SLC24A3: variants seen among roughly 807,000 people sequenced by gnomAD.
The protein encoded by SLC24A3 is solute carrier family 24 member 3.
SLC24A3 carries 28 observed loss-of-function variants against 75.8 expected under a neutral mutation model. That is an observed-to-expected ratio of 0.37 (90% CI 0.27 to 0.51). The LOEUF is 0.51. Among genes scored for constraint, SLC24A3 ranks in the 20% least tolerant of loss-of-function variants. The pLI, the probability that SLC24A3 is intolerant of heterozygous loss-of-function variation, is 0.94. For synonymous variants in SLC24A3, 372 were observed against 334.1 expected, an observed-to-expected ratio of 1.11 and a Z score of -1.24; for missense variants, 663 against 847.8, an observed-to-expected ratio of 0.78 and a Z score of 2.71.
intron 10 of SLC24A3, among the ~76,000 whole-genome samples, chr20:19,682,777 T>C (rs1281306907): frequency 1.3e-5 from 2 of 152,182 alleles, no homozygotes; most frequent in African/African-American, 2.4e-5. Flanking sequence ...ATTAACTCAG[T>C]TTCCAAGCTG....
intron 6 of SLC24A3, among the ~76,000 whole-genome samples, chr20:19,651,823 T>C (rs940478204): frequency 1.4e-5 from 2 of 144,174 alleles, no homozygotes; most frequent in Non-Finnish European, 3.0e-5. Context: ...ATCACGCCAC[T>C]GCACTCCAGC....
chr20:19,715,764 A>G (rs2033039287), intron 15 of SLC24A3, among the ~76,000 whole-genome samples: 2 of 152,184 alleles, frequency 1.3e-5, no homozygotes, highest in Non-Finnish European at 2.9e-5. Flanking sequence ...AAGGGCCCAG[A>G]ACCACTCCTA....
chr20:19,622,482 A>C (rs1373935106), intron 6 of SLC24A3, among the ~76,000 whole-genome samples: 1 of 152,214 alleles, frequency 6.6e-6, no homozygotes, highest in Non-Finnish European at 1.5e-5. Context: ...TCTGATCAGA[A>C]AGAGCTGAAA....
chr20:19,264,508 T>C (rs1983098498), intron 1 of SLC24A3, among the ~76,000 whole-genome samples: 1 of 151,944 alleles, frequency 6.6e-6, no homozygotes, highest in Non-Finnish European at 1.5e-5. Flanking sequence ...GTGGATTGCC[T>C]GAGCTCAGGA....
intron 2 of SLC24A3, among the ~76,000 whole-genome samples, chr20:19,482,242 A>G (rs757233487): frequency 2.0e-5 from 3 of 152,044 alleles, no homozygotes; most frequent in Non-Finnish European, 4.4e-5. Context: ...ATTGTCTGGC[A>G]CCCTCTGCAC....
At chr20:19,354,304 A>C (rs1371051167) in intron 2 of SLC24A3, among the ~76,000 whole-genome samples, 1 of 152,196 alleles carries the variant, frequency 6.6e-6, no homozygotes, top group Non-Finnish European at 1.5e-5. Context: ...ACACAAAAGA[A>C]TACATGCTTT....
At chr20:19,239,310 C>T (rs112217523) in intron 1 of SLC24A3, among the ~76,000 whole-genome samples, 2 of 152,076 alleles carry the variant, frequency 1.3e-5, no homozygotes, top group Admixed American at 6.5e-5. Flanking sequence ...ACAGGTGATG[C>T]GTTTTCTAAA....
At chr20:19,551,848 A>G (rs1315292834) in intron 3 of SLC24A3, among the ~76,000 whole-genome samples, 1 of 152,186 alleles carries the variant, frequency 6.6e-6, no homozygotes, top group East Asian at 1.9e-4. Context: ...AGGACCAGGC[A>G]GGCTGCTCTC....
At chr20:19,360,757 G>T (rs1985770998) in intron 2 of SLC24A3, among the ~76,000 whole-genome samples, 1 of 152,174 alleles carries the variant, frequency 6.6e-6, no homozygotes, top group Non-Finnish European at 1.5e-5. Context: ...AACTCCAAAA[G>T]GTTGAGTGAG....
chr20:19,509,461 A>C (rs562167632), intron 2 of SLC24A3, among the ~76,000 whole-genome samples: 2 of 152,232 alleles, frequency 1.3e-5, no homozygotes, highest in African/African-American at 4.8e-5. Context: ...AACTGAGGCC[A>C]AGAAGCACTT....
chr20:19,318,865 C>G (rs1285528290), intron 2 of SLC24A3, among the ~76,000 whole-genome samples: 1 of 152,164 alleles, frequency 6.6e-6, no homozygotes, highest in Non-Finnish European at 1.5e-5. Context: ...AATATTCTGT[C>G]TTGTTCCATG....
intron 2 of SLC24A3, among the ~76,000 whole-genome samples, chr20:19,286,891 A>G (rs576264913): frequency 2.0e-4 from 30 of 152,246 alleles, no homozygotes; most frequent in Non-Finnish European, 3.7e-4. Context: ...AACTAAATTT[A>G]AAGACTTAAG....
chr20:19,545,265 A>G (rs758875249), intron 3 of SLC24A3, among the ~76,000 whole-genome samples: 2 of 152,220 alleles, frequency 1.3e-5, no homozygotes, highest in Non-Finnish European at 2.9e-5. Flanking sequence ...GTTCGTGAGC[A>G]GTCCAGACAG....
At chr20:19,328,855 C>G (rs1280156620) in intron 2 of SLC24A3, among the ~76,000 whole-genome samples, 1 of 152,146 alleles carries the variant, frequency 6.6e-6, no homozygotes, top group African/African-American at 2.4e-5. Context: ...GAGGGGATTC[C>G]CCACAGGAGC....
chr20:19,391,322 G>A (rs1409835771), intron 2 of SLC24A3, among the ~76,000 whole-genome samples: 1 of 152,124 alleles, frequency 6.6e-6, no homozygotes, highest in Non-Finnish European at 1.5e-5. Context: ...GTAACTATGG[G>A]TGAATGAATG....
At chr20:19,656,948 T>G (rs1600324622) in intron 7 of SLC24A3, among the ~76,000 whole-genome samples, 1 of 152,178 alleles carries the variant, frequency 6.6e-6, no homozygotes, top group Admixed American at 6.5e-5. Context: ...AGGTTTTGCT[T>G]CTTTGGGCTT....
chr20:19,529,252 T>G (rs2030251812), intron 3 of SLC24A3, among the ~76,000 whole-genome samples: 1 of 152,194 alleles, frequency 6.6e-6, no homozygotes, highest in African/African-American at 2.4e-5. Context: ...CAACACTTTT[T>G]GGGTTTACAT....
chr20:19,251,556 GGGGACAACGA>G (rs1305866658), intron 1 of SLC24A3, among the ~76,000 whole-genome samples: 3 of 152,172 alleles, frequency 2.0e-5, no homozygotes, highest in African/African-American at 7.2e-5. Flanking sequence ...GAACACTGCA[GGGGACAACGA>G]GGGCCCAGCT....
At chr20:19,437,387 A>C (rs1343459279) in intron 2 of SLC24A3, among the ~76,000 whole-genome samples, 2 of 152,192 alleles carry the variant, frequency 1.3e-5, no homozygotes, top group Non-Finnish European at 2.9e-5. Context: ...TTCCCTGTGA[A>C]GTGGTGTCTT....
Sources: gnomAD v4.1 joint callset for allele counts (sites outside exome capture counted in the v4.1 genomes callset) on GRCh38, gnomAD v4.1.1 for gene constraint, MANE v1.5 for transcripts, NCBI Gene and HGNC (gene_info 2026-07-23, HGNC 2026-07-21) for gene names.